Variants in STARD13 observed in about 807,000 individuals in gnomAD.
STARD13 encodes the protein StAR related lipid transfer domain containing 13, also known as stAR-related lipid transfer protein 13.
Under a neutral mutation model 106.4 loss-of-function variants are expected in STARD13, and 62 were observed. The ratio of observed to expected loss-of-function variants is 0.58; its 90% CI spans 0.48 to 0.72. The LOEUF (loss-of-function observed/expected upper bound fraction) is 0.72. STARD13 is among the 30% of genes least tolerant of loss of function. The pLI is 0.00. For synonymous variants in STARD13, 565 were observed against 553.0 expected, an observed-to-expected ratio of 1.02 and a Z score of -0.31; for missense variants, 1,387 against 1,424.0, an observed-to-expected ratio of 0.97 and a Z score of 0.42.
At chr13:33,440,767 ATTTTTTTT>A in the STARD13 span, among the ~76,000 whole-genome samples, 136 of 60,114 alleles carry the variant, frequency 2.3e-3, no homozygotes, top group Non-Finnish European at 3.7e-3. Context: ...GAAAACAGCG[ATTTTTTTT>A]TTTTTTTTTT....
the STARD13 span, among the ~76,000 whole-genome samples, chr13:33,639,483 T>C: frequency 6.6e-6 from 1 of 152,320 alleles, no homozygotes; most frequent in Non-Finnish European, 1.5e-5. Context: ...AATAGATATG[T>C]AAGTCACTGT....
chr13:33,252,535 A>G (rs2555596), intron 1 of STARD13, among the ~76,000 whole-genome samples: 148 of 151,228 alleles, frequency 9.8e-4, no homozygotes, highest in African/African-American at 3.5e-3. Context: ...CACTTTATCA[A>G]TCCCAATCTT....
chr13:33,360,728 A>AGAAGG, the STARD13 span, among the ~76,000 whole-genome samples: 4 of 9,854 alleles, frequency 4.1e-4, no homozygotes, highest in African/African-American at 1.1e-3. Flanking sequence ...ACAGAAGGAC[A>AGAAGG]TATTGTTGAT....
chr13:33,655,812 G>T, the STARD13 span, among the ~76,000 whole-genome samples: 1 of 152,296 alleles, frequency 6.6e-6, no homozygotes, highest in African/African-American at 2.4e-5. Flanking sequence ...CTAGAAGGAG[G>T]TTCTGGAATT....
chr13:33,416,567 T>C, the STARD13 span, among the ~76,000 whole-genome samples: 103 of 152,330 alleles, frequency 6.8e-4, no homozygotes, highest in East Asian at 0.01. Context: ...AATCACAGGT[T>C]CTTTTTCAAC....
chr13:33,387,440 G>C, the STARD13 span, among the ~76,000 whole-genome samples: 3 of 152,076 alleles, frequency 2.0e-5, no homozygotes, highest in Admixed American at 6.6e-5. Flanking sequence ...CTAAGTGCTG[G>C]GGATTCAAAA....
the STARD13 span, among the ~76,000 whole-genome samples, chr13:33,396,861 G>T: frequency 1.3e-5 from 2 of 152,172 alleles, no homozygotes; most frequent in African/African-American, 2.4e-5. Flanking sequence ...AATAGATAAG[G>T]TTAGCCCTAT....
the STARD13 span, among the ~76,000 whole-genome samples, chr13:33,372,758 T>G: frequency 6.6e-6 from 1 of 151,962 alleles, no homozygotes; most frequent in Non-Finnish European, 1.5e-5. Flanking sequence ...GGTGAGAAAG[T>G]AAAACCGAGA....
chr13:33,244,725 A>G (rs1245429937), intron 1 of STARD13, among the ~76,000 whole-genome samples: 1 of 152,138 alleles, frequency 6.6e-6, no homozygotes, highest in Admixed American at 6.5e-5. Context: ...AGCTGAAACC[A>G]ACCACGAGGC....
chr13:33,442,788 T>C, the STARD13 span, among the ~76,000 whole-genome samples: 4 of 152,116 alleles, frequency 2.6e-5, no homozygotes, highest in African/African-American at 9.7e-5. Flanking sequence ...CCAGGAAAAT[T>C]GATGAGGCAA....
chr13:33,216,218 C>T (rs1888031913), intron 1 of STARD13, among the ~76,000 whole-genome samples: 1 of 152,122 alleles, frequency 6.6e-6, no homozygotes, highest in Non-Finnish European at 1.5e-5. Flanking sequence ...TACTGGGTAT[C>T]TACTGAGAGG....
the STARD13 span, among the ~76,000 whole-genome samples, chr13:33,541,113 T>C: frequency 6.6e-6 from 1 of 151,744 alleles, no homozygotes; most frequent in Admixed American, 6.6e-5. Flanking sequence ...GGTAGCAAAA[T>C]GAAGCAATCC....
chr13:33,662,233 G>A, the STARD13 span, among the ~76,000 whole-genome samples: 1 of 150,044 alleles, frequency 6.7e-6, no homozygotes, highest in Non-Finnish European at 1.5e-5. Context: ...CTGTACTACA[G>A]CCTGGGCGAC....
chr13:33,480,489 C>CCA, the STARD13 span, among the ~76,000 whole-genome samples: 1 of 151,956 alleles, frequency 6.6e-6, no homozygotes, highest in Non-Finnish European at 1.5e-5. Context: ...ATTCTGAAAC[C>CCA]CGTGTGCATA....
intron 1 of STARD13, among the ~76,000 whole-genome samples, chr13:33,342,183 C>T (rs2077968645): frequency 6.6e-6 from 1 of 152,138 alleles, no homozygotes; most frequent in Non-Finnish European, 1.5e-5. Flanking sequence ...CAAAGCATAA[C>T]CCTTAAAGGT....
chr13:33,342,083 C>G (rs1234441532), intron 1 of STARD13, among the ~76,000 whole-genome samples: 1 of 152,228 alleles, frequency 6.6e-6, no homozygotes, highest in African/African-American at 2.4e-5. Flanking sequence ...GCATAAGCCA[C>G]TCTGCCAGGC....
chr13:33,503,624 T>C, the STARD13 span, among the ~76,000 whole-genome samples: 1 of 152,250 alleles, frequency 6.6e-6, no homozygotes, highest in Non-Finnish European at 1.5e-5. Context: ...TATTTCTGCC[T>C]TCATTTCGTT....
chr13:33,412,709 C>T, the STARD13 span, among the ~76,000 whole-genome samples: 26 of 151,922 alleles, frequency 1.7e-4, no homozygotes, highest in African/African-American at 5.5e-4. Flanking sequence ...AAAAAAATGA[C>T]GAGAGTCATA....
the STARD13 span, among the ~76,000 whole-genome samples, chr13:33,624,883 C>T: frequency 1.3e-5 from 2 of 152,240 alleles, no homozygotes; most frequent in Admixed American, 6.5e-5. Context: ...TGCCTCCTCT[C>T]ATAATATGCT....
Sources: allele counts gnomAD v4.1 joint callset (sites outside exome capture counted in the v4.1 genomes callset), GRCh38; gene constraint gnomAD v4.1.1; transcripts MANE v1.5; gene names NCBI Gene and HGNC (gene_info 2026-07-23, HGNC 2026-07-21).